Variants in ZNF236 observed in about 807,000 individuals in gnomAD.
The protein encoded by ZNF236 is zinc finger protein 236.
A neutral mutation model predicts 191.2 loss-of-function variants in ZNF236; 50 were observed. The observed-to-expected ratio is 0.26, with a 90% confidence interval of 0.21 to 0.33. The LOEUF (loss-of-function observed/expected upper bound fraction) is 0.33. Ranked by LOEUF, ZNF236 falls within the 10% of genes least tolerant of loss-of-function variation. The pLI, the probability that ZNF236 is intolerant of heterozygous loss-of-function variation, is 1.00. For synonymous variants in ZNF236, 907 were observed against 928.8 expected (o/e 0.98, Z 0.43); for missense variants, 1,754 against 2,374.5 (o/e 0.74, Z 5.43).
At chr18:76,912,123 T>A (rs1014349119) in intron 16 of ZNF236, 121 bp from the exon 17 acceptor site, 1 of 682,414 alleles carries the variant, frequency 1.5e-6, no homozygotes, top group Non-Finnish European at 2.5e-6. Context: ...CTATTTGGGG[T>A]TTCTCTCTCT....
chr18:76,895,328 G>A (rs1977371479), intron 10 of ZNF236, 43 bp downstream of exon 10: 1 of 1,591,468 alleles, frequency 6.3e-7, no homozygotes, highest in Non-Finnish European at 8.5e-7. Flanking sequence ...TGGCCACGGG[G>A]GCCACACACA....
rs1034132995 is a variant in ZNF236, at chr18:76,834,455, C to T, written c.55+11793C>T. On this transcript the variant is annotated intron_variant, in intron 1 of 30. Transcript: ENST00000320610. ...TATTCCTGCATCTGCTCAATTGTTT[C>T]TTCCTTATATTTGCCCTTTTACTTT... 34 of 295,176 alleles carry T rather than the reference C, an allele frequency of 1.2e-4. 2 individuals carry two copies. The South Asian group carries it at 1.3e-3, about 11-fold the overall frequency. 18.3% of individuals were successfully genotyped at this position (295,176 alleles called of 1,614,324 possible). A position where few individuals can be genotyped will look rare whatever the true frequency, so the allele number is the denominator to read the frequency against.
At position 76,925,568 on chromosome 18, in the gene ZNF236, C is replaced by G. The variant is rs887387730; in HGVS notation, c.4027+14C>G. On this transcript the variant is annotated intron_variant, in intron 22 of 30. Transcript: ENST00000320610. The surrounding 1 kb of genome is among the most constrained non-coding windows in gnomAD (Gnocchi z 5.7). Reference sequence around the variant, plus strand: ...CCTCTGTGTCAGGTAAACGCTGAGCCGAGGGAATGAGAGCAGCACAGTGAT... The same window carrying G: ...CCTCTGTGTCAGGTAAACGCTGAGCGGAGGGAATGAGAGCAGCACAGTGAT... The G allele has an allele frequency of 1.2e-6, 2 of 1,607,650 alleles. No individual in the cohort carries two copies. The highest frequency in any genetic ancestry group is 1.7e-5 in the Admixed American group (1 of 60,012).
intron 1 of ZNF236, among the ~76,000 whole-genome samples, chr18:76,837,030 C>A (rs1288216048): frequency 1.3e-5 from 2 of 151,750 alleles, no homozygotes; most frequent in Non-Finnish European, 2.9e-5. Context: ...CGTGTGCCAC[C>A]ACCCCTGGCT....
At chr18:76,894,918 A>C in intron 9 of ZNF236, 95 bp from the exon 10 acceptor site, 1 of 1,498,706 alleles carries the variant, frequency 6.7e-7, no homozygotes, top group Non-Finnish European at 9.0e-7. Context: ...ATAACTGATC[A>C]TGCGTGCAGC....
chr18:76,899,980 C>T (rs1436416015), intron 11 of ZNF236, among the ~76,000 whole-genome samples: 1 of 152,116 alleles, frequency 6.6e-6, no homozygotes, highest in East Asian at 1.9e-4. Context: ...GCTATGTCCT[C>T]CCAAAGGTCC....
intron 1 of ZNF236, among the ~76,000 whole-genome samples, chr18:76,827,962 T>G (rs1975062881): frequency 6.6e-6 from 1 of 152,234 alleles, no homozygotes; most frequent in Non-Finnish European, 1.5e-5. Flanking sequence ...TTAGTTGGCC[T>G]CCTGCTGTTT....
chr18:76,949,087 G>A (rs1282053618), intron 27 of ZNF236, among the ~76,000 whole-genome samples: 1 of 152,170 alleles, frequency 6.6e-6, no homozygotes, highest in Admixed American at 6.5e-5. Flanking sequence ...GACAGAAAAA[G>A]CATTGGCAGC....
intron 20 of ZNF236, among the ~76,000 whole-genome samples, chr18:76,921,526 TAGTTTTCC>T (rs1967532288): frequency 6.6e-6 from 1 of 152,032 alleles, no homozygotes; most frequent in Non-Finnish European, 1.5e-5. Context: ...TAGGGTGAGA[TAGTTTTCC>T]AGTAGGGGTT....
intron 9 of ZNF236, among the ~76,000 whole-genome samples, chr18:76,894,000 A>G (rs1977323859): frequency 6.6e-6 from 1 of 152,234 alleles, no homozygotes; most frequent in Admixed American, 6.5e-5. Context: ...AATAAATTTT[A>G]GTTAAAAGTG....
At position 76,927,214 on chromosome 18, in the gene ZNF236, A is replaced by G. The variant is rs983701345; in HGVS notation, c.4173+32A>G. On this transcript the variant is annotated intron_variant, in intron 23 of 30. Coordinates refer to ENST00000320610, the MANE Select transcript of ZNF236 (RefSeq NM_001306089.2). This position sits in a 1 kb window ranked among gnomAD's most constrained non-coding sequence, Gnocchi z 5.4. ...CACCTTCCATGGTCTCCTGTGCTGT[A>G]ATTCTCTTGGCATCACAGAGAAGCA... 1.2e-6 allele frequency: 2 copies of G among 1,611,742 alleles called. No homozygotes were observed. The highest frequency in any genetic ancestry group is 2.7e-5 in the African/African-American group (2 of 74,884).
At chr18:76,825,322 T>G (rs1974985018) in intron 1 of ZNF236, among the ~76,000 whole-genome samples, 1 of 152,252 alleles carries the variant, frequency 6.6e-6, no homozygotes. Context: ...CCCTGAGATG[T>G]TTTCAGGCTT....
At position 76,913,898 on chromosome 18, in the gene ZNF236, G is replaced by A. The variant is rs957655131; in HGVS notation, c.3061G>A (p.Gly1021Arg). 1.2e-6 allele frequency: 2 copies of A among 1,614,148 alleles called. No homozygotes were observed. The highest frequency in any genetic ancestry group is 1.7e-6 in the Non-Finnish European group (2 of 1,180,008). Reference sequence around the variant, plus strand: ...CAAGTCCCACGAGAAGACACACACAGGTCACTGTCTGCCTTATACTTGGAG... The same window carrying A: ...CAAGTCCCACGAGAAGACACACACAAGTCACTGTCTGCCTTATACTTGGAG... ...VLKSHEKTHTGVKAFSCSVCN... is the reference protein window; with the variant it reads ...VLKSHEKTHTRVKAFSCSVCN... The change falls in exon 18 of 31, where the codon GGA (glycine) becomes AGA (arginine). Residue 1021 changes from glycine to arginine, a missense_variant and splice_region_variant. Physicochemically the swap from Gly to Arg is moderately radical, Grantham distance 125. Around this residue, in one of 5 missense-constraint regions of ZNF236, gnomAD observed 641 missense variants for 869.6 expected, o/e 0.74. Transcript: ENST00000320610.
At chr18:76,905,477 G>A in intron 13 of ZNF236, 62 bp downstream of exon 13, 1 of 1,503,364 alleles carries the variant, frequency 6.7e-7, no homozygotes. Flanking sequence ...ATGGTGGGGA[G>A]TGTTTTTAGG....
intron 5 of ZNF236, among the ~76,000 whole-genome samples, chr18:76,874,813 C>T (rs1976670401): frequency 6.6e-6 from 1 of 152,122 alleles, no homozygotes; most frequent in African/African-American, 2.4e-5. Flanking sequence ...AGGGCGGTGG[C>T]AGAAGTGGGT....
rs985010752 is a variant in ZNF236 at position 76,972,784 on chromosome 18, A to G, written c.*4445A>G. Among the ~76,000 whole-genome samples the G allele has an allele frequency of 6.6e-6, 1 of 152,188 alleles. No homozygotes were observed. The highest frequency in any genetic ancestry group is 1.5e-5 in the Non-Finnish European group (1 of 68,030). ...TATCTTCACAATTGTTTCATGATCT[A>G]TTTATACATTGGATGATATTTATTT... On this transcript the variant is annotated 3_prime_UTR_variant, in exon 31 of 31. Coordinates refer to ENST00000320610, the MANE Select transcript of ZNF236 (RefSeq NM_001306089.2).
intron 6 of ZNF236, among the ~76,000 whole-genome samples, chr18:76,876,026 T>A (rs190625422): frequency 6.6e-6 from 1 of 152,266 alleles, no homozygotes; most frequent in East Asian, 1.9e-4. Flanking sequence ...AGAAATAAAA[T>A]TGGGAAAAAA....
intron 20 of ZNF236, among the ~76,000 whole-genome samples, chr18:76,922,248 G>A (rs1036439845): frequency 6.6e-6 from 1 of 152,214 alleles, no homozygotes; most frequent in Non-Finnish European, 1.5e-5. Context: ...CCGTGAGCCT[G>A]TGTGCCTCTG....
intron 27 of ZNF236, among the ~76,000 whole-genome samples, chr18:76,948,214 G>A (rs538650874): frequency 2.0e-5 from 3 of 152,174 alleles, no homozygotes; most frequent in South Asian, 4.1e-4. Flanking sequence ...AAGTTTCCAG[G>A]GTCAGAATTA....
Sources: gnomAD v4.1 joint callset for allele counts (sites outside exome capture counted in the v4.1 genomes callset) on GRCh38, gnomAD v4.1.1 for gene constraint, gnomAD v4.1.1 regional missense constraint, Gnocchi (gnomAD v3.1) non-coding constraint, MANE v1.5 for transcripts, NCBI Gene and HGNC (gene_info 2026-07-23, HGNC 2026-07-21) for gene names.